THG1L: variants seen among roughly 807,000 people sequenced by gnomAD.
The protein encoded by THG1L is probable tRNA(His) guanylyltransferase.
Under a neutral mutation model 35.2 loss-of-function variants are expected in THG1L, and 27 were observed. That is an observed-to-expected ratio of 0.77 (90% CI 0.57 to 1.06). The LOEUF is 1.06. THG1L is among the 50% of genes least tolerant of loss of function. The probability of loss-of-function intolerance (pLI) is 0.00; values close to 1 mark genes in which losing one functional copy is unlikely to be tolerated. For missense variants in THG1L, 377 were observed against 371.8 expected, an observed-to-expected ratio of 1.01 and a Z score of -0.12; for synonymous variants, 135 against 132.4, an observed-to-expected ratio of 1.02 and a Z score of -0.14.
rs373012657 is a variant in THG1L, at chr5:157,731,643, C to G, written c.191+12C>G. 3 of 1,579,652 alleles carry G rather than the reference C, an allele frequency of 1.9e-6. No homozygotes were observed. The highest frequency in any genetic ancestry group is 1.4e-5 in the African/African-American group (1 of 73,612). Reference sequence around the variant, plus strand: ...CGGAATTTCCATCGGTGAGCGAGCTCGACTCGGGGCGTCGCGATGCGCCAG... The same window carrying G: ...CGGAATTTCCATCGGTGAGCGAGCTGGACTCGGGGCGTCGCGATGCGCCAG... On this transcript the variant is annotated intron_variant, in intron 1 of 5. Coordinates refer to ENST00000231198, the MANE Select transcript of THG1L (RefSeq NM_017872.5).
rs577541743 is a variant in THG1L, at chr5:157,740,575, A to T, written c.*1093A>T. 6 of 152,290 alleles carry T rather than the reference A, an allele frequency of 3.9e-5. No individual in the cohort carries two copies. Among genetic ancestry groups the T allele is most frequent in the African/African-American group, 1.4e-4 (6 of 41,526 alleles). 9.4% of individuals were successfully genotyped at this position (152,290 alleles called of 1,614,324 possible). A position where few individuals can be genotyped will look rare whatever the true frequency, so the allele number is the denominator to read the frequency against. On this transcript the variant is annotated 3_prime_UTR_variant, in exon 6 of 6. Transcript: ENST00000231198. ...CACATTTTTCTCTTGTCCTGGTTTTATATTTCGGAGGGAAAGGATTATTTG... is the reference window on the plus strand; with the variant it reads ...CACATTTTTCTCTTGTCCTGGTTTTTTATTTCGGAGGGAAAGGATTATTTG...
rs778126205 is a variant in THG1L, at chr5:157,737,918, T to G, written c.659T>G (p.Leu220Trp). 1 of 1,613,314 alleles carries G rather than the reference T, an allele frequency of 6.2e-7. No homozygotes were observed. Among genetic ancestry groups the G allele is most frequent in the Non-Finnish European group, 8.5e-7 (1 of 1,179,738 alleles). The change falls in exon 5 of 6, where the codon TTG becomes TGG. Residue 220 changes from leucine (L) to tryptophan (W), a missense_variant. Transcript: ENST00000231198. ...GTLAADKNEILFSEFNINYNN... is the reference protein window; with the variant it reads ...GTLAADKNEIWFSEFNINYNN... ...CTTGCAGCAGACAAGAATGAGATTT[T>G]GTTTTCTGAATTCAACATCAACTAT...
intron 5 of THG1L, chr5:157,738,824 C>CTTTT (rs33954159): frequency 8.6e-5 from 14 of 163,178 alleles, no homozygotes; most frequent in East Asian, 4.0e-4. Context: ...ATAGTATAAC[C>CTTTT]TTTTTTTTTT....
At chr5:157,735,260 A>G (rs1282194275) in intron 3 of THG1L, among the ~76,000 whole-genome samples, 1 of 152,232 alleles carries the variant, frequency 6.6e-6, no homozygotes, top group Non-Finnish European at 1.5e-5. Context: ...TTTTTTAAAA[A>G]AATCAGATGT....
chr5:157,739,413 C>T lies in THG1L; in HGVS notation c.828C>T (p.Pro276=), dbSNP rs773434148. The T allele has an allele frequency of 1.2e-6, 2 of 1,613,792 alleles. No homozygotes were observed. The highest frequency in any genetic ancestry group is 1.7e-5 in the Admixed American group (1 of 59,986). The part of the protein sequence containing the change: ...AVTRTRTKPV[P]LHCDIIGDAF... ...CCCGGACCAGGACAAAGCCAGTGCC[C>T]TTGCACTGCGATATCATCGGGGATG... Residue 276 remains proline (P), a synonymous_variant, in exon 6 of 6, where the codon CCC becomes CCT. Coordinates refer to ENST00000231198, the MANE Select transcript of THG1L (RefSeq NM_017872.5).
chr5:157,732,788 A>C, intron 1 of THG1L, 80 bp from the exon 2 acceptor site: 1 of 1,538,210 alleles, frequency 6.5e-7, no homozygotes, highest in Non-Finnish European at 8.9e-7. Context: ...TCCTCCAAAC[A>C]GCCTCTGTTA....
chr5:157,731,947 C>T (rs968497922), intron 1 of THG1L, among the ~76,000 whole-genome samples: 4 of 152,178 alleles, frequency 2.6e-5, no homozygotes, highest in Non-Finnish European at 5.9e-5. Context: ...TATTTAAGCT[C>T]TTAAGCCAAT....
At chr5:157,738,395 G>A (rs936723361) in intron 5 of THG1L, among the ~76,000 whole-genome samples, 2 of 152,166 alleles carry the variant, frequency 1.3e-5, no homozygotes, top group African/African-American at 4.8e-5. Flanking sequence ...GAGGCACTAA[G>A]AGACAATGTA....
chr5:157,737,401 T>G (rs1377685116), intron 4 of THG1L, among the ~76,000 whole-genome samples: 2 of 152,044 alleles, frequency 1.3e-5, no homozygotes, highest in Non-Finnish European at 2.9e-5. Flanking sequence ...GAGAATCGCT[T>G]GAACCTGGGA....
Position 157,739,450 on chromosome 5 carries a change from G to A in THG1L, c.865G>A (p.Glu289Lys), listed in dbSNP as rs1448876766. The A allele has an allele frequency of 6.2e-7, 1 of 1,613,492 alleles. No individual in the cohort carries two copies. The highest frequency in any genetic ancestry group is 8.5e-7 in the Non-Finnish European group (1 of 1,179,748). ...CDIIGDAFWK[E>K]HPEILDEDS ...TATCATCGGGGATGCTTTCTGGAAG[G>A]AACATCCAGAGATTCTAGATGAAGA... is the stretch of plus-strand genomic sequence containing the variant. Residue 289 changes from glutamate to lysine, a missense_variant, in exon 6 of 6, where the codon GAA (glutamate) becomes AAA (lysine). Coordinates refer to ENST00000231198, the MANE Select transcript of THG1L (RefSeq NM_017872.5).
intron 4 of THG1L, among the ~76,000 whole-genome samples, chr5:157,736,796 A>G (rs1416292498): frequency 6.6e-6 from 1 of 152,212 alleles, no homozygotes; most frequent in East Asian, 1.9e-4. Context: ...TCATAGGTTT[A>G]TGGTGAGAAT....
intron 5 of THG1L, 97 bp from the exon 6 acceptor site, chr5:157,739,224 T>G (rs1760967902): frequency 9.5e-6 from 11 of 1,160,116 alleles, no homozygotes; most frequent in Non-Finnish European, 1.2e-5. Context: ...CAGTCGGAAG[T>G]ATATGAAGAT....
intron 3 of THG1L, 22 bp downstream of exon 3, chr5:157,734,767 C>T: frequency 6.2e-7 from 1 of 1,613,646 alleles, no homozygotes; most frequent in Non-Finnish European, 8.5e-7. Flanking sequence ...CAAATAAACA[C>T]ATGTAGTTAA....
chr5:157,734,363 A>G (rs1047156149), intron 2 of THG1L, among the ~76,000 whole-genome samples: 1 of 152,192 alleles, frequency 6.6e-6, no homozygotes, highest in Non-Finnish European at 1.5e-5. Flanking sequence ...ACTCCAGCCC[A>G]GGCAACAGAG....
At chr5:157,736,124 T>C (rs1264435546) in intron 4 of THG1L, among the ~76,000 whole-genome samples, 190 bp downstream of exon 4, 1 of 152,254 alleles carries the variant, frequency 6.6e-6, no homozygotes, top group East Asian at 1.9e-4. Flanking sequence ...GATGAATTAC[T>C]GCTTCTCCCT....
At chr5:157,731,670 G>A (rs373560368) in intron 1 of THG1L, 39 bp downstream of exon 1, 65 of 1,565,268 alleles carry the variant, frequency 4.2e-5, no homozygotes, top group Non-Finnish European at 5.4e-5. Flanking sequence ...ATGCGCCAGC[G>A]CTTCCGGGGA....
intron 3 of THG1L, among the ~76,000 whole-genome samples, chr5:157,735,473 G>A (rs779807966): frequency 7.2e-5 from 11 of 152,306 alleles, no homozygotes; most frequent in Non-Finnish European, 1.5e-4. Flanking sequence ...CTTGCCTTAT[G>A]TGACTGTGAT....
rs1266555015 is a variant in THG1L, at chr5:157,741,136, G to A, written c.*1654G>A. The A allele has an allele frequency of 1.3e-5, 2 of 152,098 alleles. No homozygotes were observed. The highest frequency in any genetic ancestry group is 6.5e-5 in the Admixed American group (1 of 15,270). 9.4% of individuals were successfully genotyped at this position (152,098 alleles called of 1,614,324 possible). On this transcript the variant is annotated 3_prime_UTR_variant, in exon 6 of 6. Transcript: ENST00000231198. ...CAGGATAATTGCTTGAACCTGGTAG[G>A]TGGAGGTTGCAGTGAGCTGAAATCA...
At chr5:157,739,066 G>A (rs998169270) in intron 5 of THG1L, among the ~76,000 whole-genome samples, 7 of 151,772 alleles carry the variant, frequency 4.6e-5, no homozygotes, top group Non-Finnish European at 1.0e-4. Context: ...GAGCCACCGC[G>A]CTCGGATAAC....
Sources: allele counts gnomAD v4.1 joint callset (sites outside exome capture counted in the v4.1 genomes callset), GRCh38; gene constraint gnomAD v4.1.1; transcripts MANE v1.5; gene names NCBI Gene and HGNC (gene_info 2026-07-23, HGNC 2026-07-21).